The following KIAA1549 variants were observed in gnomAD, a reference collection of about 807,000 sequenced individuals.
KIAA1549 encodes the protein UPF0606 protein KIAA1549.
In KIAA1549, 70 loss-of-function variants were observed where a neutral mutation model predicts 156.4. The ratio of observed to expected loss-of-function variants is 0.45; its 90% confidence interval spans 0.37 to 0.55. The LOEUF (loss-of-function observed/expected upper bound fraction) is 0.55, where lower values mean the gene tolerates loss of function less well. Among genes scored for constraint, KIAA1549 ranks in the 20% least tolerant of loss-of-function variants. The probability of loss-of-function intolerance (pLI) is 0.00; values close to 1 mark genes in which losing one functional copy is unlikely to be tolerated. For synonymous variants in KIAA1549, 1,103 were observed against 1,066.4 expected (o/e 1.03, Z -0.67); for missense variants, 2,428 against 2,540.9 (o/e 0.96, Z 0.96).
chr7:138,943,663 C>A (rs1223885565), intron 1 of KIAA1549, among the ~76,000 whole-genome samples: 2 of 152,098 alleles, frequency 1.3e-5, no homozygotes, highest in Non-Finnish European at 2.9e-5. Flanking sequence ...TCCTGGCTAA[C>A]ATGGTGAAAC....
chr7:138,960,079 G>C (rs1186291784), intron 1 of KIAA1549, among the ~76,000 whole-genome samples: 1 of 152,114 alleles, frequency 6.6e-6, no homozygotes, highest in African/African-American at 2.4e-5. Flanking sequence ...TGAGGTCCAG[G>C]AGAAACAGAA....
chr7:138,915,366 G>A (rs559715704), intron 2 of KIAA1549, among the ~76,000 whole-genome samples: 23 of 151,984 alleles, frequency 1.5e-4, no homozygotes, highest in South Asian at 4.2e-4. Context: ...TATATCCCTA[G>A]AAGCTTCCAG....
chr7:138,870,860 CA>C (rs1194254096), intron 13 of KIAA1549, among the ~76,000 whole-genome samples: 1 of 152,180 alleles, frequency 6.6e-6, no homozygotes, highest in African/African-American at 2.4e-5. Flanking sequence ...CTCTGTCAAC[CA>C]GGCTGGAGTG....
At chr7:138,845,846 T>C (rs1367931772) in intron 17 of KIAA1549, among the ~76,000 whole-genome samples, 1 of 152,222 alleles carries the variant, frequency 6.6e-6, no homozygotes, top group Non-Finnish European at 1.5e-5. Context: ...TTGTTTTTCT[T>C]GAAGTGACAG....
intron 16 of KIAA1549, 122 bp from the exon 17 acceptor site, chr7:138,852,391 AC>A: frequency 1.4e-6 from 1 of 692,568 alleles, no homozygotes; most frequent in Middle Eastern, 4.0e-4. Context: ...TCTCATTAAA[AC>A]TTAGCATGTT....
intron 17 of KIAA1549, 22 bp from the exon 18 acceptor site, chr7:138,844,496 AC>A: frequency 1.3e-6 from 2 of 1,514,896 alleles, no homozygotes; most frequent in Non-Finnish European, 1.8e-6. Context: ...GCAAACCAGC[AC>A]ATCAGGACTC....
intron 1 of KIAA1549, among the ~76,000 whole-genome samples, chr7:138,969,647 C>T (rs1322526060): frequency 1.3e-5 from 2 of 152,164 alleles, no homozygotes; most frequent in African/African-American, 4.8e-5. Flanking sequence ...GTCTGGAGTG[C>T]AGTGATGCGA....
chr7:138,913,573 TTAAAG>T (rs1433967844), intron 2 of KIAA1549, among the ~76,000 whole-genome samples: 2 of 152,244 alleles, frequency 1.3e-5, no homozygotes, highest in African/African-American at 4.8e-5. Context: ...TTTTAATTTT[TTAAAG>T]TAGAGACAGA....
rs1809715538 is a variant in KIAA1549, at chr7:138,836,633, G to T, written c.*1273C>A. ...CTTTACCATTATTTGGAAAGTGGGG[G>T]AAATGTTTACATCAGGAGTACATCT... On this transcript the variant is annotated 3_prime_UTR_variant, in exon 20 of 20. Coordinates refer to ENST00000422774, the MANE Select transcript of KIAA1549 (RefSeq NM_001164665.2). The T allele has an allele frequency of 4.6e-6, 1 of 218,444 alleles. No homozygotes were observed. Among genetic ancestry groups the T allele is most frequent in the African/African-American group, 2.2e-5 (1 of 44,490 alleles). 13.5% of individuals were successfully genotyped at this position (218,444 alleles called of 1,614,324 possible). A position where few individuals can be genotyped will look rare whatever the true frequency, so the allele number is the denominator to read the frequency against.
chr7:138,937,511 A>G (rs1813051651), intron 1 of KIAA1549, among the ~76,000 whole-genome samples: 1 of 152,184 alleles, frequency 6.6e-6, no homozygotes, highest in Non-Finnish European at 1.5e-5. Flanking sequence ...TATGGCTGAG[A>G]AGAGGAGACA....
In KIAA1549 at chr7:138,903,612, T is replaced by C. The variant is rs1228666753; in HGVS notation, c.3645A>G (p.Val1215=). Residue 1215 remains valine (V), a synonymous_variant, in exon 8 of 20, where the codon GTA becomes GTG. Transcript: ENST00000422774. ...CCTGCACCACACTGTTCCCTGCAGC[T>C]ACAGTGGCCCTTCTCCACATCCGCC... ...TRRRMWRRAT[V]AAGNSVVQVV... 1.2e-6 allele frequency: 2 copies of C among 1,613,698 alleles called. No individual in the cohort carries two copies. Among genetic ancestry groups the C allele is most frequent in the Non-Finnish European group, 1.7e-6 (2 of 1,179,870 alleles).
Position 138,835,609 on chromosome 7 carries a change from C to A in KIAA1549, c.*2297G>T, listed in dbSNP as rs79694425. On this transcript the variant is annotated 3_prime_UTR_variant, in exon 20 of 20. Transcript: ENST00000422774. ...GCCATTTATCCCGTTTGCTGTCACA[C>A]GATTTGAATTCATTACAAGGTGTCC... 2.0e-3 allele frequency: 450 copies of A among 222,306 alleles called. 1 individual carries two copies. Among genetic ancestry groups the A allele is most frequent in the Middle Eastern group, 0.018 (13 of 742 alleles). 13.8% of individuals were successfully genotyped at this position (222,306 alleles called of 1,614,324 possible). A position where few individuals can be genotyped will look rare whatever the true frequency, so the allele number is the denominator to read the frequency against.
At chr7:138,955,316 A>C (rs1220673830) in intron 1 of KIAA1549, among the ~76,000 whole-genome samples, 2 of 152,242 alleles carry the variant, frequency 1.3e-5, no homozygotes, top group African/African-American at 4.8e-5. Flanking sequence ...TCAAAAAGGA[A>C]GGAAATTCTG....
chr7:138,967,690 C>G (rs964750273), intron 1 of KIAA1549, among the ~76,000 whole-genome samples: 5 of 152,096 alleles, frequency 3.3e-5, no homozygotes, highest in Admixed American at 3.3e-4. Flanking sequence ...AAACAGCTGT[C>G]CAGGAGAAAA....
intron 1 of KIAA1549, among the ~76,000 whole-genome samples, chr7:138,961,344 A>G (rs1813839494): frequency 6.6e-6 from 1 of 152,184 alleles, no homozygotes; most frequent in Admixed American, 6.5e-5. Flanking sequence ...TACTGGGGGA[A>G]GCATTGTGAG....
chr7:138,964,066 C>T (rs1479947427), intron 1 of KIAA1549, among the ~76,000 whole-genome samples: 1 of 152,216 alleles, frequency 6.6e-6, no homozygotes, highest in East Asian at 1.9e-4. Flanking sequence ...TGCACCACCA[C>T]ACAACACTGT....
At chr7:138,932,215 G>A (rs563992288) in intron 1 of KIAA1549, among the ~76,000 whole-genome samples, 16 of 152,296 alleles carry the variant, frequency 1.1e-4, no homozygotes, top group South Asian at 6.2e-4. Context: ...TCACATGCTC[G>A]TGTAAGTTCT....
intron 10 of KIAA1549, among the ~76,000 whole-genome samples, chr7:138,891,391 A>C (rs180794428): frequency 4.5e-4 from 69 of 152,396 alleles, no homozygotes; most frequent in African/African-American, 1.6e-3. Context: ...AGTGGCATCC[A>C]GCCAATGCCA....
intron 7 of KIAA1549, among the ~76,000 whole-genome samples, 182 bp downstream of exon 7, chr7:138,904,840 A>G (rs976392594): frequency 6.6e-6 from 1 of 152,176 alleles, no homozygotes; most frequent in African/African-American, 2.4e-5. Context: ...TTTTTGTTCT[A>G]TAACTCAGTG....
Sources: allele counts gnomAD v4.1 joint callset (sites outside exome capture counted in the v4.1 genomes callset), GRCh38; gene constraint gnomAD v4.1.1; transcripts MANE v1.5; gene names NCBI Gene and HGNC (gene_info 2026-07-23, HGNC 2026-07-21).